The following CASP9 variants were observed in gnomAD, a reference collection of about 807,000 sequenced individuals.
The protein encoded by CASP9 is caspase 9.
Under a neutral mutation model 43.5 loss-of-function variants are expected in CASP9, and 29 were observed. The ratio of observed to expected loss-of-function variants is 0.67; its 90% CI spans 0.50 to 0.91. CASP9 has a LOEUF of 0.91. Ranked by LOEUF, CASP9 falls within the 40% of genes least tolerant of loss-of-function variation. The pLI is 0.00. For missense variants in CASP9, 575 were observed against 537.4 expected (o/e 1.07, Z -0.69); for synonymous variants, 206 against 211.9 (o/e 0.97, Z 0.24).
chr1:15,524,444 A>G (rs1710364998), upstream of CASP9: 7 of 1,069,874 alleles, frequency 6.5e-6, no homozygotes, highest in South Asian at 8.0e-5. Flanking sequence ...CCCCAGGGCC[A>G]AGCCTCCCAT....
In CASP9 at chr1:15,506,948, A is replaced by T; in HGVS notation, c.581T>A (p.Phe194Tyr). 6.2e-7 allele frequency: 1 copy of T among 1,614,056 alleles called. No individual in the cohort carries two copies. Among genetic ancestry groups the T allele is most frequent in the Non-Finnish European group, 8.5e-7 (1 of 1,180,008 alleles). ...NIDCEKLRRR[F>Y]SSLHFMVEVK... The stretch of plus-strand genomic sequence containing the variant: ...CTCCACCATGAAATGCAGCGAGGAG[A>T]AGCGACGCCGCAACTTCTCACAGTC... Residue 194 changes from phenylalanine (F) to tyrosine (Y), a missense_variant, in exon 4 of 9, where the codon TTC (phenylalanine) becomes TAC (tyrosine). Phe to Tyr is a conservative substitution (Grantham distance 22, BLOSUM62 3). Transcript: ENST00000333868.
intron 4 of CASP9, 33 bp downstream of exon 4, chr1:15,506,866 C>T (rs201617618): frequency 2.3e-5 from 36 of 1,562,956 alleles, no homozygotes; most frequent in Non-Finnish European, 3.1e-5. Flanking sequence ...CACTGCCCCC[C>T]ACCCTGTCTC....
chr1:15,504,903 G>T, intron 5 of CASP9, 145 bp from the exon 6 acceptor site: 1 of 721,602 alleles, frequency 1.4e-6, no homozygotes, highest in South Asian at 1.9e-5. Context: ...GTTGGTTCTG[G>T]AAAGACCCTG....
intron 2 of CASP9, among the ~76,000 whole-genome samples, chr1:15,511,030 G>T (rs1235315100): frequency 1.3e-5 from 2 of 152,178 alleles, no homozygotes; most frequent in African/African-American, 2.4e-5. Context: ...TCCTAAGATG[G>T]GGCCAGTTGG....
chr1:15,511,166 G>A (rs1391545877), intron 2 of CASP9, among the ~76,000 whole-genome samples: 2 of 152,230 alleles, frequency 1.3e-5, no homozygotes, highest in Non-Finnish European at 2.9e-5. Flanking sequence ...TCAGGGTAAG[G>A]AGTTTATATG....
chr1:15,492,799 T>C lies in CASP9; in HGVS notation c.*144A>G, dbSNP rs144880063. On this transcript the variant is annotated 3_prime_UTR_variant, in exon 9 of 9. Transcript: ENST00000333868. ...GTCAATCTGGAAGCTGCTAAGAGCC[T>C]GTCTGTCACTGGCAGAGAAAGAGCA... 996 of 1,129,224 alleles carry C rather than the reference T, an allele frequency of 8.8e-4. No homozygotes were observed. The highest frequency in any genetic ancestry group is 1.6e-3 in the South Asian group (106 of 66,370). The allele number at this position is 1,129,224 out of a possible 1,614,324, so 70.0% of individuals were successfully genotyped here. A position where few individuals can be genotyped will look rare whatever the true frequency, so the allele number is the denominator to read the frequency against.
intron 2 of CASP9, among the ~76,000 whole-genome samples, chr1:15,513,438 C>G (rs1262128769): frequency 1.3e-5 from 2 of 152,124 alleles, no homozygotes; most frequent in Non-Finnish European, 2.9e-5. Flanking sequence ...GGCATCACGT[C>G]TGAAACTAAG....
chr1:15,502,518 G>T (rs559792712), intron 6 of CASP9, among the ~76,000 whole-genome samples: 1 of 152,112 alleles, frequency 6.6e-6, no homozygotes, highest in Admixed American at 6.5e-5. Flanking sequence ...AGGTAGAAGA[G>T]CAAGCAAGAG....
intron 6 of CASP9, among the ~76,000 whole-genome samples, chr1:15,498,959 G>C (rs568178819): frequency 8.6e-5 from 13 of 151,960 alleles, no homozygotes; most frequent in Admixed American, 4.6e-4. Context: ...GGATGGTCTT[G>C]ATCTCCTGAC....
rs538779990 is a variant in CASP9, at chr1:15,492,716, G to T, written c.*227C>A. 2.8e-5 allele frequency: 17 copies of T among 596,984 alleles called. 1 individual carries two copies. The Middle Eastern group carries it at 1.4e-3, about 48-fold the overall frequency. The allele number at this position is 596,984 out of a possible 1,614,324, so 37.0% of individuals were successfully genotyped here. A position where few individuals can be genotyped will look rare whatever the true frequency, so the allele number is the denominator to read the frequency against. Reference sequence around the variant, plus strand: ...CCCTGGACCAGCCACTGCTCAAGAGGCCACGTGCAATCCACGGCATTCATC... The same window carrying T: ...CCCTGGACCAGCCACTGCTCAAGAGTCCACGTGCAATCCACGGCATTCATC... On this transcript the variant is annotated 3_prime_UTR_variant, in exon 9 of 9. Transcript: ENST00000333868.
At chr1:15,502,973 A>T (rs1709383023) in intron 6 of CASP9, among the ~76,000 whole-genome samples, 1 of 152,042 alleles carries the variant, frequency 6.6e-6, no homozygotes, top group Non-Finnish European at 1.5e-5. Context: ...TGCTGGCGAC[A>T]GCGGGGTGGG....
intron 1 of CASP9, among the ~76,000 whole-genome samples, chr1:15,521,034 G>A (rs1349883835): frequency 6.6e-6 from 1 of 151,900 alleles, no homozygotes; most frequent in Non-Finnish European, 1.5e-5. Flanking sequence ...GCGGGTGCCT[G>A]TAGACCCAGC....
In CASP9 at chr1:15,515,291, C is replaced by T. The variant is rs547791450; in HGVS notation, c.418+2819G>A. Among the ~76,000 whole-genome samples, 4 of 152,350 alleles carry T rather than the reference C, an allele frequency of 2.6e-5. No individual in the cohort carries two copies. The South Asian group carries it at 8.3e-4, about 32-fold the overall frequency. On this transcript the variant is annotated intron_variant, in intron 2 of 8. Transcript: ENST00000333868. Reference sequence around the variant, plus strand: ...TCCAGAACCAGTCTTCTTCCTTACACTTCAAGCAAATGCAGCTTCCTACCC... The same window carrying T: ...TCCAGAACCAGTCTTCTTCCTTACATTTCAAGCAAATGCAGCTTCCTACCC...
At chr1:15,505,797 C>G (rs1405271749) in intron 5 of CASP9, among the ~76,000 whole-genome samples, 193 bp downstream of exon 5, 2 of 152,182 alleles carry the variant, frequency 1.3e-5, no homozygotes, top group Non-Finnish European at 2.9e-5. Context: ...ACCGACCTGC[C>G]CAGGACGGTG....
At chr1:15,502,935 TC>T (rs1220405626) in intron 6 of CASP9, among the ~76,000 whole-genome samples, 4 of 152,080 alleles carry the variant, frequency 2.6e-5, no homozygotes, top group Non-Finnish European at 5.9e-5. Flanking sequence ...CTTCCTCACT[TC>T]CTGTTACTGT....
intron 1 of CASP9, among the ~76,000 whole-genome samples, chr1:15,523,826 C>T (rs1444075255): frequency 6.6e-6 from 1 of 152,200 alleles, no homozygotes; most frequent in Non-Finnish European, 1.5e-5. Flanking sequence ...GTTTCTTATT[C>T]AAAGTTCTCA....
rs865921910 is a variant in CASP9 at position 15,491,737 on chromosome 1, G to A, written c.*1206C>T. 2 of 178,316 alleles carry A rather than the reference G, an allele frequency of 1.1e-5. No homozygotes were observed. Among genetic ancestry groups the A allele is most frequent in the Admixed American group, 1.1e-4 (2 of 18,122 alleles). 11.0% of individuals were successfully genotyped at this position (178,316 alleles called of 1,614,324 possible). A position where few individuals can be genotyped will look rare whatever the true frequency, so the allele number is the denominator to read the frequency against. ...TGCGTCATTGCACTCCAGCCTGGGC[G>A]ACAGAGTGAGACCCTATCTCCAAAA... is the stretch of plus-strand genomic sequence containing the variant. On this transcript the variant is annotated 3_prime_UTR_variant, in exon 9 of 9. Coordinates refer to ENST00000333868, the MANE Select transcript of CASP9 (RefSeq NM_001229.5).
chr1:15,496,316 C>T (rs1403245615), intron 6 of CASP9, among the ~76,000 whole-genome samples: 2 of 152,154 alleles, frequency 1.3e-5, no homozygotes, highest in African/African-American at 2.4e-5. Flanking sequence ...ACATTATACT[C>T]AATGGTGAAA....
intron 5 of CASP9, among the ~76,000 whole-genome samples, chr1:15,505,714 ACT>A (rs976881691): frequency 4.6e-5 from 7 of 151,934 alleles, no homozygotes; most frequent in Non-Finnish European, 1.0e-4. Context: ...CTCTGAACAA[ACT>A]CTGGGTGCAG....
Sources: allele counts gnomAD v4.1 joint callset (sites outside exome capture counted in the v4.1 genomes callset), GRCh38; gene constraint gnomAD v4.1.1; transcripts MANE v1.5; gene names NCBI Gene and HGNC (gene_info 2026-07-23, HGNC 2026-07-21).